The following KLHDC10 variants were observed in gnomAD, a reference collection of about 807,000 sequenced individuals.
The protein encoded by KLHDC10 is kelch domain containing 10.
Under a neutral mutation model 56.1 loss-of-function variants are expected in KLHDC10, and 24 were observed. The ratio of observed to expected loss-of-function variants is 0.43; its 90% CI spans 0.31 to 0.60. KLHDC10 has a LOEUF of 0.60. Among genes scored for constraint, KLHDC10 ranks in the 20% least tolerant of loss-of-function variants. The probability of loss-of-function intolerance (pLI) is 0.11; values close to 1 mark genes in which losing one functional copy is unlikely to be tolerated. For synonymous variants in KLHDC10, 188 were observed against 207.1 expected (o/e 0.91, Z 0.79); for missense variants, 349 against 567.0 (o/e 0.62, Z 3.91).
intron 1 of KLHDC10, among the ~76,000 whole-genome samples, chr7:130,078,666 G>A (rs1010498132): frequency 7.9e-5 from 12 of 151,936 alleles, no homozygotes; most frequent in African/African-American, 2.4e-4. Flanking sequence ...CGACAGGCGC[G>A]TGCCACTACA....
chr7:130,117,770 G>A (rs1275059489), intron 3 of KLHDC10: 1 of 150,964 alleles, frequency 6.6e-6, no homozygotes, highest in Non-Finnish European at 1.5e-5. Context: ...AGAATGGCTG[G>A]AGCCCAGGAG....
intron 1 of KLHDC10, among the ~76,000 whole-genome samples, chr7:130,092,012 T>G (rs887626136): frequency 2.0e-5 from 3 of 152,224 alleles, no homozygotes; most frequent in Non-Finnish European, 4.4e-5. Context: ...CAGGACAATT[T>G]GTTGAAAAGA....
In KLHDC10 at chr7:130,113,692, C is replaced by T. The variant is rs139929972; in HGVS notation, c.254-2753C>T. 3.4e-3 allele frequency among the ~76,000 whole-genome samples: 521 copies of T among 152,234 alleles called. 2 individuals carry two copies. The highest frequency in any genetic ancestry group is 0.012 in the African/African-American group (491 of 41,536). Reference sequence around the variant, plus strand: ...TATGAAACCGTCTTTTCACAGACCCCTCAACTGTGTAATCCATGTGAATTG... The same window carrying T: ...TATGAAACCGTCTTTTCACAGACCCTTCAACTGTGTAATCCATGTGAATTG... On this transcript the variant is annotated intron_variant, in intron 2 of 9. Coordinates refer to ENST00000335420, the MANE Select transcript of KLHDC10 (RefSeq NM_014997.4).
In KLHDC10 at chr7:130,116,678, C is replaced by T. The variant is rs1796172770; in HGVS notation, c.475+12C>T. The T allele has an allele frequency of 6.3e-7, 1 of 1,594,504 alleles. No individual in the cohort carries two copies. ...GGCATCTATGTCACGTGAGTGCAAG[C>T]AGTTCGTAACTCCTGACTTTATGAA... On this transcript the variant is annotated intron_variant, in intron 3 of 9. Coordinates refer to ENST00000335420, the MANE Select transcript of KLHDC10 (RefSeq NM_014997.4). This position sits in a 1 kb window ranked among gnomAD's most constrained non-coding sequence, Gnocchi z 4.8.
At chr7:130,108,502 C>T (rs1563102917) in intron 2 of KLHDC10, among the ~76,000 whole-genome samples, 1 of 149,596 alleles carries the variant, frequency 6.7e-6, no homozygotes, top group Non-Finnish European at 1.5e-5. Context: ...CAGGAGTTAG[C>T]CGCCTCAAGA....
At chr7:130,071,618 T>A (rs897363276) in intron 1 of KLHDC10, among the ~76,000 whole-genome samples, 1 of 152,162 alleles carries the variant, frequency 6.6e-6, no homozygotes, top group Non-Finnish European at 1.5e-5. Context: ...ATGTTTGTAA[T>A]TGAATATTCA....
chr7:130,131,968 A>T lies in KLHDC10; in HGVS notation c.*1222A>T, dbSNP rs939156879. On this transcript the variant is annotated 3_prime_UTR_variant, in exon 10 of 10. Coordinates refer to ENST00000335420, the MANE Select transcript of KLHDC10 (RefSeq NM_014997.4). ...AAGCCACAGGTCATCCTTCCTGAAGAACCAAGTATCATTTAAAAACTAGCA... is the reference window on the plus strand; with the variant it reads ...AAGCCACAGGTCATCCTTCCTGAAGTACCAAGTATCATTTAAAAACTAGCA... 1 of 152,220 alleles carries T rather than the reference A, an allele frequency of 6.6e-6. No individual in the cohort carries two copies. Among genetic ancestry groups the T allele is most frequent in the Non-Finnish European group, 1.5e-5 (1 of 68,030 alleles). 9.4% of individuals were successfully genotyped at this position (152,220 alleles called of 1,614,324 possible).
chr7:130,077,368 A>C (rs1231004549), intron 1 of KLHDC10, among the ~76,000 whole-genome samples: 14 of 148,538 alleles, frequency 9.4e-5, no homozygotes, highest in African/African-American at 3.4e-4. Context: ...AAAAAAAAAA[A>C]AAAAAAAAAA....
intron 1 of KLHDC10, among the ~76,000 whole-genome samples, chr7:130,088,131 A>G (rs999285082): frequency 3.3e-5 from 5 of 152,126 alleles, no homozygotes; most frequent in African/African-American, 1.2e-4. Flanking sequence ...ATTAGTGACT[A>G]TTATTTGCTT....
chr7:130,116,652 T>C lies in KLHDC10; in HGVS notation c.461T>C (p.Leu154Ser). The change falls in exon 3 of 10, where the codon TTG becomes TCG. Residue 154 changes from leucine to serine, a missense_variant. Leu to Ser is a moderately radical substitution (Grantham distance 145). Coordinates refer to ENST00000335420, the MANE Select transcript of KLHDC10 (RefSeq NM_014997.4). This position sits in a 1 kb window ranked among gnomAD's most constrained non-coding sequence, Gnocchi z 4.8. ...ACAGATGGCTACATGCCCCGGGAATTGGCATCTATGTCACGTGAGTGCAAG... is the reference window on the plus strand; with the variant it reads ...ACAGATGGCTACATGCCCCGGGAATCGGCATCTATGTCACGTGAGTGCAAG... ...MGTDGYMPRELASMSLVLHGN... is the reference protein window; with the variant it reads ...MGTDGYMPRESASMSLVLHGN... The C allele has an allele frequency of 6.2e-7, 1 of 1,614,024 alleles. No homozygotes were observed. The highest frequency in any genetic ancestry group is 8.5e-7 in the Non-Finnish European group (1 of 1,179,956).
intron 6 of KLHDC10, among the ~76,000 whole-genome samples, chr7:130,125,233 G>T (rs201005957): frequency 6.6e-6 from 1 of 152,018 alleles, no homozygotes; most frequent in Non-Finnish European, 1.5e-5. Context: ...CTTTTTCTTC[G>T]TTTTTTTCTG....
At chr7:130,079,286 G>GACA (rs1563096174) in intron 1 of KLHDC10, among the ~76,000 whole-genome samples, 2 of 151,962 alleles carry the variant, frequency 1.3e-5, no homozygotes, top group South Asian at 4.2e-4. Flanking sequence ...TTGAACTCTT[G>GACA]ACCTCAAGTG....
intron 1 of KLHDC10, among the ~76,000 whole-genome samples, chr7:130,079,321 G>A (rs113116297): frequency 0.069 from 10,458 of 152,074 alleles, 1,195 homozygotes; most frequent in African/African-American, 0.24. Context: ...GCCTCCCAAA[G>A]TGCTGGGATT....
At chr7:130,121,840 G>C (rs1389899791) in intron 4 of KLHDC10, among the ~76,000 whole-genome samples, 2 of 152,200 alleles carry the variant, frequency 1.3e-5, no homozygotes, top group East Asian at 3.8e-4. Flanking sequence ...TTCCTTTCCA[G>C]TTGAGTAAAG....
intron 2 of KLHDC10, among the ~76,000 whole-genome samples, chr7:130,097,462 T>C (rs1795865462): frequency 6.6e-6 from 1 of 152,114 alleles, no homozygotes; most frequent in Admixed American, 6.5e-5. Context: ...AAAGGGGTAA[T>C]ATGAATATAT....
chr7:130,121,105 T>C (rs927401797), intron 4 of KLHDC10, among the ~76,000 whole-genome samples: 1 of 148,466 alleles, frequency 6.7e-6, no homozygotes, highest in Non-Finnish European at 1.5e-5. Context: ...TCTTCCTTTC[T>C]TTTCTTTTTT....
intron 1 of KLHDC10, among the ~76,000 whole-genome samples, chr7:130,079,888 T>C (rs1432990119): frequency 3.9e-4 from 34 of 86,878 alleles, no homozygotes; most frequent in East Asian, 8.1e-4. Flanking sequence ...CTCCCTCCCT[T>C]CCTCCCTTTC....
intron 9 of KLHDC10, among the ~76,000 whole-genome samples, chr7:130,129,978 A>G (rs559451567): frequency 6.6e-5 from 10 of 152,056 alleles, no homozygotes; most frequent in Non-Finnish European, 1.5e-4. Context: ...GTTTAGTTTA[A>G]TGTTAGTTAA....
rs749495756 is a variant in KLHDC10, at chr7:130,130,618, G to T, written c.1201G>T (p.Val401Leu). The T allele has an allele frequency of 6.2e-7, 1 of 1,614,104 alleles. No individual in the cohort carries two copies. Among genetic ancestry groups the T allele is most frequent in the Non-Finnish European group, 8.5e-7 (1 of 1,180,022 alleles). ...RTGSLFKIWLVVPSLLELAWE... is the reference protein window; with the variant it reads ...RTGSLFKIWLLVPSLLELAWE... ...TGGGTCATTGTTTAAGATCTGGCTG[G>T]TGGTACCTAGCCTGCTGGAACTGGC... The change falls in exon 10 of 10, where the codon GTG becomes TTG. Residue 401 changes from valine (V) to leucine (L), a missense_variant. By Grantham distance (32) the Val-to-Leu change is conservative. Transcript: ENST00000335420. The surrounding 1 kb of genome is among the most constrained non-coding windows in gnomAD (Gnocchi z 4.2).
Sources: gnomAD v4.1 joint callset for allele counts (sites outside exome capture counted in the v4.1 genomes callset) on GRCh38, gnomAD v4.1.1 for gene constraint, Gnocchi (gnomAD v3.1) non-coding constraint, MANE v1.5 for transcripts, NCBI Gene and HGNC (gene_info 2026-07-23, HGNC 2026-07-21) for gene names.